TMEM71: variants seen among roughly 807,000 people sequenced by gnomAD.
TMEM71 encodes transmembrane protein 71.
A neutral mutation model predicts 38.0 loss-of-function variants in TMEM71; 44 were observed. The observed-to-expected ratio is 1.16, with a 90% CI of 0.91 to 1.49. The LOEUF (loss-of-function observed/expected upper bound fraction) is 1.49. TMEM71 is among the 40% of genes most tolerant of loss of function. The probability of loss-of-function intolerance (pLI) is 0.00; values close to 1 mark genes in which losing one functional copy is unlikely to be tolerated. For missense variants in TMEM71, 367 were observed against 348.6 expected, an observed-to-expected ratio of 1.05 and a Z score of -0.42; for synonymous variants, 133 against 122.5, an observed-to-expected ratio of 1.09 and a Z score of -0.56.
At chr8:132,711,341 A>G (rs1826223813) in intron 9 of TMEM71, among the ~76,000 whole-genome samples, 1 of 152,154 alleles carries the variant, frequency 6.6e-6, no homozygotes, top group Admixed American at 6.5e-5. Context: ...CTTTAAGTGA[A>G]AGGTAATCAT....
intron 5 of TMEM71, among the ~76,000 whole-genome samples, chr8:132,741,560 G>A (rs7002549): frequency 0.11 from 15,735 of 140,162 alleles, 1,208 homozygotes; most frequent in Admixed American, 0.18. Context: ...CGTGGGTCAC[G>A]TGTCCACTGG....
chr8:132,707,567 T>C (rs1393731044), downstream of TMEM71, among the ~76,000 whole-genome samples: 2 of 152,152 alleles, frequency 1.3e-5, no homozygotes, highest in African/African-American at 2.4e-5. Context: ...CAGATGAGTT[T>C]GGCCCCTTTC....
At chr8:132,705,923 G>A (rs1256055529), downstream of TMEM71, among the ~76,000 whole-genome samples, 1 of 152,162 alleles carries the variant, frequency 6.6e-6, no homozygotes, top group African/African-American at 2.4e-5. Flanking sequence ...AGATTCATAT[G>A]TTGAAGCTCT....
chr8:132,714,082 A>G (rs746046657), intron 8 of TMEM71, 30 bp from the exon 9 acceptor site: 1 of 1,614,036 alleles, frequency 6.2e-7, no homozygotes, highest in Non-Finnish European at 8.5e-7. Flanking sequence ...ATATTTTAAA[A>G]TCATTTTAAA....
intron 6 of TMEM71, among the ~76,000 whole-genome samples, chr8:132,727,311 C>T (rs1827199666): frequency 1.3e-5 from 2 of 150,450 alleles, no homozygotes; most frequent in Admixed American, 1.3e-4. Flanking sequence ...GGATGGAGTG[C>T]AATGGCGCGA....
chr8:132,765,985 T>C, the TMEM71 span, among the ~76,000 whole-genome samples: 2 of 151,996 alleles, frequency 1.3e-5, no homozygotes, highest in Admixed American at 1.3e-4. Context: ...GGTTTCACCA[T>C]GTTGGCCAGG....
At chr8:132,717,393 A>G (rs1038538515) in intron 7 of TMEM71, among the ~76,000 whole-genome samples, 1 of 152,252 alleles carries the variant, frequency 6.6e-6, no homozygotes, top group Non-Finnish European at 1.5e-5. Flanking sequence ...CTTAACAACA[A>G]AAAGCAAACA....
At chr8:132,766,843 G>A in the TMEM71 span, among the ~76,000 whole-genome samples, 14 of 149,036 alleles carry the variant, frequency 9.4e-5, no homozygotes, top group African/African-American at 3.2e-4. Context: ...CAGAGAACAC[G>A]CCAAAATCTT....
Position 132,746,960 on chromosome 8 carries a change from C to CT in TMEM71, c.468dup (p.Asp157ArgfsTer9), listed in dbSNP as rs758347317. Reference sequence around the variant, plus strand: ...AACTCACCATTTCCATTGCAATGGTCTGTGTCCAACCTCCTGGTCCCCTTC... The same window carrying CT: ...AACTCACCATTTCCATTGCAATGGTCTTGTGTCCAACCTCCTGGTCCCCTTC... On this transcript the variant is annotated frameshift_variant, in exon 5 of 10. Coordinates refer to ENST00000677595, the MANE Select transcript of TMEM71 (RefSeq NM_001382403.1). LOFTEE classifies it high-confidence loss of function. 1.2e-6 allele frequency: 2 copies of CT among 1,603,792 alleles called. No individual in the cohort carries two copies. Among genetic ancestry groups the CT allele is most frequent in the Middle Eastern group, 3.3e-4 (2 of 5,996 alleles).
chr8:132,720,946 T>C (rs1826808184), intron 7 of TMEM71, among the ~76,000 whole-genome samples: 1 of 152,204 alleles, frequency 6.6e-6, no homozygotes, highest in South Asian at 2.1e-4. Flanking sequence ...GCAGATCCCA[T>C]TAAAACTTCA....
At chr8:132,709,606 T>C (rs1008713503), downstream of TMEM71, among the ~76,000 whole-genome samples, 3 of 151,848 alleles carry the variant, frequency 2.0e-5, no homozygotes, top group Non-Finnish European at 4.4e-5. Context: ...GAAGGTGATG[T>C]AATGATGGAA....
chr8:132,725,981 T>G (rs750022510), intron 6 of TMEM71, among the ~76,000 whole-genome samples: 27 of 152,226 alleles, frequency 1.8e-4, no homozygotes, highest in Admixed American at 3.3e-4. Context: ...GGTAGCACAC[T>G]TATTAATTGG....
rs773817243 is a variant in TMEM71 at position 132,758,918 on chromosome 8, G to T, written c.-36-3C>A. On this transcript the variant is annotated splice_region_variant and splice_polypyrimidine_tract_variant and intron_variant, in intron 1 of 9. Transcript: ENST00000677595. ...CTTGCTCAAACTTCACAGATTCTCT[G>T]CAAAAGATGTTAAAAAAAAGGTGGA... 5.0e-6 allele frequency: 8 copies of T among 1,592,528 alleles called. No individual in the cohort carries two copies. The African/African-American group carries it at 1.1e-4, about 21-fold the overall frequency.
chr8:132,719,148 C>T (rs1239868036), intron 7 of TMEM71, among the ~76,000 whole-genome samples: 1 of 152,108 alleles, frequency 6.6e-6, no homozygotes, highest in Admixed American at 6.5e-5. Context: ...AGAATATTTC[C>T]CGCGCCCTTT....
Position 132,722,051 on chromosome 8 carries a change from A to G in TMEM71, c.741T>C (p.Ser247=). Reference sequence around the variant, plus strand: ...AAAACGTGAATTACCTTGCACATGCAGAAATGATTAAGCACACAGCAAGCA... The same window carrying G: ...AAAACGTGAATTACCTTGCACATGCGGAAATGATTAAGCACACAGCAAGCA... ...AILLAVCLII[S]ACARWFMGEI... Residue 247 remains serine (S), a synonymous_variant, in exon 7 of 10, where the codon TCT becomes TCC. Transcript: ENST00000677595. 2 of 1,613,946 alleles carry G rather than the reference A, an allele frequency of 1.2e-6. No individual in the cohort carries two copies. The highest frequency in any genetic ancestry group is 1.7e-6 in the Non-Finnish European group (2 of 1,179,768).
the TMEM71 span, among the ~76,000 whole-genome samples, chr8:132,767,128 T>G: frequency 6.6e-6 from 1 of 152,176 alleles, no homozygotes; most frequent in South Asian, 2.1e-4. Context: ...CTAATTCTGC[T>G]CCTCAGGGGT....
chr8:132,710,554 A>T lies in TMEM71; in HGVS notation c.*413T>A. 2.7e-6 allele frequency: 1 copy of T among 364,502 alleles called. No homozygotes were observed. The highest frequency in any genetic ancestry group is 4.9e-6 in the Non-Finnish European group (1 of 205,420). 22.6% of individuals were successfully genotyped at this position (364,502 alleles called of 1,614,324 possible). ...TAGACAAACTTGCTCTCATTATTCT[A>T]TTAAAGCAATTCAGCAAGAGATAGG... is the stretch of plus-strand genomic sequence containing the variant. On this transcript the variant is annotated 3_prime_UTR_variant, in exon 10 of 10. Transcript: ENST00000677595.
intron 3 of TMEM71, among the ~76,000 whole-genome samples, chr8:132,755,004 A>G (rs1256815624): frequency 2.6e-5 from 4 of 152,194 alleles, no homozygotes; most frequent in African/African-American, 9.7e-5. Context: ...TGGGAGAGGC[A>G]AGGTAAAAAT....
At chr8:132,746,216 C>T (rs1828332086) in intron 5 of TMEM71, among the ~76,000 whole-genome samples, 1 of 150,426 alleles carries the variant, frequency 6.6e-6, no homozygotes, top group African/African-American at 2.5e-5. Flanking sequence ...GCTTTGAGTT[C>T]CCATCACTGT....
Sources: gnomAD v4.1 joint callset for allele counts (sites outside exome capture counted in the v4.1 genomes callset) on GRCh38, gnomAD v4.1.1 for gene constraint, MANE v1.5 for transcripts, NCBI Gene and HGNC (gene_info 2026-07-23, HGNC 2026-07-21) for gene names.